ADAMTSL1: variants seen among roughly 807,000 people sequenced by gnomAD.
The protein encoded by ADAMTSL1 is ADAMTS-like protein 1.
A neutral mutation model predicts 201.8 loss-of-function variants in ADAMTSL1; 126 were observed. The observed-to-expected ratio is 0.62, with a 90% CI of 0.54 to 0.72. ADAMTSL1 has a LOEUF of 0.72. Ranked by LOEUF, ADAMTSL1 falls within the 30% of genes least tolerant of loss-of-function variation. The pLI is 0.00. For synonymous variants in ADAMTSL1, 1,121 were observed against 903.4 expected (o/e 1.24, Z -4.32); for missense variants, 2,679 against 2,277.8 (o/e 1.18, Z -3.59).
chr9:18,386,381 C>T (rs1220465802), intron 2 of ADAMTSL1, among the ~76,000 whole-genome samples: 2 of 152,100 alleles, frequency 1.3e-5, no homozygotes, highest in Non-Finnish European at 2.9e-5. Context: ...TTACTGGAGC[C>T]AGTGTAATTA....
At chr9:18,845,493 T>C (rs928003130) in intron 23 of ADAMTSL1, among the ~76,000 whole-genome samples, 5 of 152,232 alleles carry the variant, frequency 3.3e-5, no homozygotes, top group Non-Finnish European at 4.4e-5. Flanking sequence ...AGGCCCATCA[T>C]AGGCAGGGCC....
At chr9:18,548,283 T>C (rs1820595347) in intron 3 of ADAMTSL1, among the ~76,000 whole-genome samples, 1 of 152,120 alleles carries the variant, frequency 6.6e-6, no homozygotes, top group Non-Finnish European at 1.5e-5. Context: ...GCTCTCATAC[T>C]GTAAACAAGT....
chr9:17,961,340 C>T (rs1238527748), intron 1 of ADAMTSL1, among the ~76,000 whole-genome samples: 4 of 152,114 alleles, frequency 2.6e-5, no homozygotes, highest in Non-Finnish European at 5.9e-5. Flanking sequence ...CCTCCACCTC[C>T]CGGGTTCAAG....
intron 9 of ADAMTSL1, among the ~76,000 whole-genome samples, chr9:18,672,601 A>G (rs1564137861): frequency 6.6e-6 from 1 of 152,176 alleles, no homozygotes; most frequent in Non-Finnish European, 1.5e-5. Flanking sequence ...CACCATCTAT[A>G]TATTTTCTCA....
chr9:18,313,315 AT>A (rs1834227960), intron 2 of ADAMTSL1, among the ~76,000 whole-genome samples: 1 of 152,108 alleles, frequency 6.6e-6, no homozygotes, highest in African/African-American at 2.4e-5. Flanking sequence ...AGGTACCGAT[AT>A]TTTTTTAAGG....
chr9:18,058,544 A>G (rs1420820683), intron 1 of ADAMTSL1, among the ~76,000 whole-genome samples: 1 of 151,960 alleles, frequency 6.6e-6, no homozygotes, highest in Non-Finnish European at 1.5e-5. Context: ...TTTTTCAATG[A>G]TTATAACTAT....
At chr9:18,366,903 C>A (rs1836793460) in intron 2 of ADAMTSL1, among the ~76,000 whole-genome samples, 1 of 152,112 alleles carries the variant, frequency 6.6e-6, no homozygotes, top group South Asian at 2.1e-4. Context: ...CCGCCACATG[C>A]AGCCCCATCA....
chr9:18,667,795 A>T (rs755579487), intron 9 of ADAMTSL1, among the ~76,000 whole-genome samples: 3 of 152,158 alleles, frequency 2.0e-5, no homozygotes, highest in East Asian at 1.9e-4. Context: ...AGAATTCTGT[A>T]TGGGTCTAGA....
intron 4 of ADAMTSL1, among the ~76,000 whole-genome samples, chr9:18,603,603 T>C (rs1824815064): frequency 6.6e-6 from 1 of 152,174 alleles, no homozygotes; most frequent in African/African-American, 2.4e-5. Context: ...ACATAGCAGA[T>C]GTTTACTTTT....
At chr9:18,419,295 G>A (rs1372525101) in intron 2 of ADAMTSL1, among the ~76,000 whole-genome samples, 2 of 152,124 alleles carry the variant, frequency 1.3e-5, no homozygotes, top group Non-Finnish European at 2.9e-5. Flanking sequence ...TAGGCAAAGA[G>A]TTCTTAGACA....
chr9:18,096,753 A>G (rs1450810565), intron 1 of ADAMTSL1, among the ~76,000 whole-genome samples: 1 of 152,128 alleles, frequency 6.6e-6, no homozygotes, highest in African/African-American at 2.4e-5. Flanking sequence ...CTTTTCTGTC[A>G]CCCTACAAAC....
At chr9:18,886,377 C>G (rs1002022096) in intron 23 of ADAMTSL1, among the ~76,000 whole-genome samples, 1 of 151,514 alleles carries the variant, frequency 6.6e-6, no homozygotes, top group Non-Finnish European at 1.5e-5. Flanking sequence ...CCGAGCGAGA[C>G]CCTGTCAACA....
At chr9:18,759,379 A>G (rs752637574) in intron 16 of ADAMTSL1, among the ~76,000 whole-genome samples, 3 of 152,216 alleles carry the variant, frequency 2.0e-5, no homozygotes, top group East Asian at 1.9e-4. Flanking sequence ...ATTTAAACAT[A>G]CATACATACC....
In ADAMTSL1 at chr9:18,814,991, C is replaced by T. The variant is rs542804916; in HGVS notation, c.3806-2118C>T. Among the ~76,000 whole-genome samples, 3 of 152,110 alleles carry T rather than the reference C, an allele frequency of 2.0e-5. No homozygotes were observed. In the East Asian group the frequency reaches 5.8e-4, roughly 29 times the overall value. ...TCACTAATCTTCAGAGAAATGTAAA[C>T]CAAAACCAAAATGTGATATCACCTT... On this transcript the variant is annotated intron_variant, in intron 20 of 28. Coordinates refer to ENST00000380548, the MANE Select transcript of ADAMTSL1 (RefSeq NM_001040272.6).
rs140988918 is a variant in ADAMTSL1 at position 18,617,381 on chromosome 9, C to G, written c.475-4862C>G. Reference sequence around the variant, plus strand: ...ACTGCCTGTTCTCTTGCTATCAGCTCTGTAAAGTGAAGGAAGAAACCCCTA... The same window carrying G: ...ACTGCCTGTTCTCTTGCTATCAGCTGTGTAAAGTGAAGGAAGAAACCCCTA... On this transcript the variant is annotated intron_variant, in intron 4 of 28. Coordinates refer to ENST00000380548, the MANE Select transcript of ADAMTSL1 (RefSeq NM_001040272.6). Among the ~76,000 whole-genome samples, 563 of 152,136 alleles carry G rather than the reference C, an allele frequency of 3.7e-3. 4 individuals carry two copies. The highest frequency in any genetic ancestry group is 0.011 in the African/African-American group (472 of 41,490).
Position 18,536,373 on chromosome 9 carries a change from C to T in ADAMTSL1, c.237+3081C>T, listed in dbSNP as rs192267602. Among the ~76,000 whole-genome samples, 782 of 151,684 alleles carry T rather than the reference C, an allele frequency of 5.2e-3. 9 individuals carry two copies. Among genetic ancestry groups the T allele is most frequent in the Middle Eastern group, 6.9e-3 (2 of 290 alleles). The stretch of plus-strand genomic sequence containing the variant: ...TTTCCTATTTTTTGTAGAACCGCTA[C>T]ATATAACTTGTTGGGGAGTTCGTAT... On this transcript the variant is annotated intron_variant, in intron 3 of 28. Transcript: ENST00000380548.
In ADAMTSL1 at chr9:18,909,738, G is replaced by A. The variant is rs1000634186; in HGVS notation, c.*1190G>A. On this transcript the variant is annotated 3_prime_UTR_variant, in exon 29 of 29. Coordinates refer to ENST00000380548, the MANE Select transcript of ADAMTSL1 (RefSeq NM_001040272.6). ...GACCGGGGTGGGACAATGGGTTTAT[G>A]CGTGTCCACAGTACACCCTCCCTCT... 6.6e-6 allele frequency: 1 copy of A among 152,226 alleles called. No homozygotes were observed. The highest frequency in any genetic ancestry group is 1.5e-5 in the Non-Finnish European group (1 of 68,108). 9.4% of individuals were successfully genotyped at this position (152,226 alleles called of 1,614,324 possible). A position where few individuals can be genotyped will look rare whatever the true frequency, so the allele number is the denominator to read the frequency against.
chr9:18,705,357 C>T (rs763979457), intron 13 of ADAMTSL1, among the ~76,000 whole-genome samples: 9 of 152,114 alleles, frequency 5.9e-5, no homozygotes, highest in Non-Finnish European at 1.3e-4. Context: ...ATTACACTAA[C>T]TTTTTGAAAC....
chr9:18,834,029 T>C (rs1478616109), intron 23 of ADAMTSL1, among the ~76,000 whole-genome samples: 2 of 152,198 alleles, frequency 1.3e-5, no homozygotes, highest in Non-Finnish European at 2.9e-5. Flanking sequence ...GGTTCTCTAT[T>C]CTGTTCCATT....
Sources: gnomAD v4.1 joint callset for allele counts (sites outside exome capture counted in the v4.1 genomes callset) on GRCh38, gnomAD v4.1.1 for gene constraint, MANE v1.5 for transcripts, NCBI Gene and HGNC (gene_info 2026-07-23, HGNC 2026-07-21) for gene names.